The following PARM1 variants were observed in gnomAD, a reference collection of about 807,000 sequenced individuals.
PARM1 encodes the protein WSC4, cell wall integrity and stress response component 4 homolog.
A neutral mutation model predicts 24.6 loss-of-function variants in PARM1; 14 were observed. The observed-to-expected ratio is 0.57, with a 90% CI of 0.38 to 0.89. The LOEUF (loss-of-function observed/expected upper bound fraction) is 0.89, where lower values mean the gene tolerates loss of function less well. PARM1 is among the 40% of genes least tolerant of loss of function. The probability of loss-of-function intolerance (pLI) is 0.00; values close to 1 mark genes in which losing one functional copy is unlikely to be tolerated. For missense variants in PARM1, 362 were observed against 380.4 expected (o/e 0.95, Z 0.40); for synonymous variants, 179 against 156.6 (o/e 1.14, Z -1.07).
intron 3 of PARM1, among the ~76,000 whole-genome samples, chr4:75,042,969 A>G (rs1723527297): frequency 6.6e-6 from 1 of 152,032 alleles, no homozygotes; most frequent in Admixed American, 6.6e-5. Flanking sequence ...AACAAAGTAA[A>G]GGCCAATCTT....
At chr4:75,027,697 C>T (rs556012986) in intron 2 of PARM1, among the ~76,000 whole-genome samples, 3 of 152,286 alleles carry the variant, frequency 2.0e-5, no homozygotes, top group East Asian at 3.9e-4. Context: ...ATGACCTGAA[C>T]GATCTAAGGT....
chr4:74,944,111 C>T (rs1487777122), intron 1 of PARM1, among the ~76,000 whole-genome samples: 2 of 152,158 alleles, frequency 1.3e-5, no homozygotes, highest in Non-Finnish European at 2.9e-5. Flanking sequence ...GTTAAAATCC[C>T]CAAGGTTGGC....
chr4:75,016,504 T>A (rs1283663517), intron 2 of PARM1, among the ~76,000 whole-genome samples: 1 of 152,160 alleles, frequency 6.6e-6, no homozygotes, highest in Non-Finnish European at 1.5e-5. Flanking sequence ...ACTGATCCCA[T>A]CACCCAGGTA....
chr4:74,956,226 C>T (rs1196618823), intron 1 of PARM1: 3 of 152,132 alleles, frequency 2.0e-5, no homozygotes, highest in Non-Finnish European at 2.9e-5. Flanking sequence ...AGTTAGAACT[C>T]GATGCTGATC....
chr4:75,034,004 T>C (rs988217414), intron 3 of PARM1, 43 bp downstream of exon 3: 2 of 1,493,806 alleles, frequency 1.3e-6, no homozygotes, highest in African/African-American at 1.4e-5. Context: ...TTCTGTTTTG[T>C]TGGGCTCTGG....
intron 1 of PARM1, among the ~76,000 whole-genome samples, chr4:74,986,342 A>T (rs955560682): frequency 2.0e-5 from 3 of 152,200 alleles, no homozygotes; most frequent in African/African-American, 7.2e-5. Context: ...GCCTAATTAT[A>T]CTCAAAGTGC....
chr4:74,960,926 A>G lies in PARM1; in HGVS notation c.43+27556A>G, dbSNP rs757627542. 2.0e-5 allele frequency among the ~76,000 whole-genome samples: 3 copies of G among 151,504 alleles called. No individual in the cohort carries two copies. The South Asian group carries it at 6.3e-4, about 32-fold the overall frequency. The stretch of plus-strand genomic sequence containing the variant: ...AGGCTGAGGCAGGAGAATGGCGTGA[A>G]CCCGGGAGGCGGAGCTTGCAGTGAG... On this transcript the variant is annotated intron_variant, in intron 1 of 3. Transcript: ENST00000307428.
rs1463090705 is a variant in PARM1, at chr4:75,012,864, A to G, written c.483A>G (p.Leu161=). 3 of 1,613,844 alleles carry G rather than the reference A, an allele frequency of 1.9e-6. No individual in the cohort carries two copies. The highest frequency in any genetic ancestry group is 4.5e-5 in the East Asian group (2 of 44,874). Residue 161 remains leucine, a synonymous_variant, in exon 2 of 4, where the codon CTA becomes CTG. Transcript: ENST00000307428. ...CTCCAGCCTCATCACCCTCATCCCT[A>G]TCAACCTCACCACCTGAGGTCTTTT... ...PQAPASSPSS[L]STSPPEVFSA...
intron 1 of PARM1, among the ~76,000 whole-genome samples, chr4:74,978,347 A>G (rs1240236470): frequency 6.6e-6 from 1 of 152,218 alleles, no homozygotes; most frequent in African/African-American, 2.4e-5. Flanking sequence ...CTTTAAACCA[A>G]CAAAGATAAA....
At chr4:74,986,960 C>A (rs1477188835) in intron 1 of PARM1, among the ~76,000 whole-genome samples, 1 of 152,094 alleles carries the variant, frequency 6.6e-6, no homozygotes, top group Non-Finnish European at 1.5e-5. Flanking sequence ...CGGCTGTGCA[C>A]TTTCATTAAT....
intron 2 of PARM1, among the ~76,000 whole-genome samples, chr4:75,024,777 C>A (rs545282080): frequency 3.3e-5 from 5 of 152,300 alleles, no homozygotes; most frequent in African/African-American, 1.2e-4. Flanking sequence ...CGGCTCACTG[C>A]AAACTCCACC....
At chr4:74,953,716 T>C (rs1211300494) in intron 1 of PARM1, among the ~76,000 whole-genome samples, 1 of 152,216 alleles carries the variant, frequency 6.6e-6, no homozygotes. Context: ...GATTGTACTT[T>C]ATGATAATTC....
At chr4:75,008,530 C>T (rs1189997086) in intron 1 of PARM1, among the ~76,000 whole-genome samples, 1 of 152,204 alleles carries the variant, frequency 6.6e-6, no homozygotes, top group African/African-American at 2.4e-5. Context: ...GTATCTTGTG[C>T]ATTCTTATTC....
At chr4:75,044,650 G>A (rs1301231545) in intron 3 of PARM1, among the ~76,000 whole-genome samples, 1 of 152,142 alleles carries the variant, frequency 6.6e-6, no homozygotes, top group Non-Finnish European at 1.5e-5. Context: ...ATATTAAGCT[G>A]GGAGTCTGGG....
rs1723689506 is a variant in PARM1 at position 75,050,093 on chromosome 4, A to G, written c.*3846A>G. ...TTGCATACCAATTATAATTATATCA[A>G]TTAAAGTTGATAAAAGCTTCCATCT... On this transcript the variant is annotated 3_prime_UTR_variant, in exon 4 of 4. Transcript: ENST00000307428. The G allele has an allele frequency of 6.6e-6, 1 of 152,600 alleles. No individual in the cohort carries two copies. Among genetic ancestry groups the G allele is most frequent in the Non-Finnish European group, 1.5e-5 (1 of 68,038 alleles). The allele number at this position is 152,600 out of a possible 1,614,324, so 9.5% of individuals were successfully genotyped here. A position where few individuals can be genotyped will look rare whatever the true frequency, so the allele number is the denominator to read the frequency against.
At chr4:74,963,606 G>A (rs1002895390) in intron 1 of PARM1, among the ~76,000 whole-genome samples, 2 of 152,168 alleles carry the variant, frequency 1.3e-5, no homozygotes, top group African/African-American at 4.8e-5. Context: ...GAATAGGCAA[G>A]TCAAAGAAAC....
chr4:75,001,436 A>T (rs1722678650), intron 1 of PARM1, among the ~76,000 whole-genome samples: 1 of 152,232 alleles, frequency 6.6e-6, no homozygotes, highest in South Asian at 2.1e-4. Flanking sequence ...GTGTAAAGTC[A>T]TAATGTTCCA....
chr4:75,040,020 A>G (rs1356867476), intron 3 of PARM1, among the ~76,000 whole-genome samples: 1 of 152,180 alleles, frequency 6.6e-6, no homozygotes, highest in Non-Finnish European at 1.5e-5. Context: ...CAATCAGTGC[A>G]TTCTCTACCA....
At chr4:74,997,987 C>G (rs1284625327) in intron 1 of PARM1, among the ~76,000 whole-genome samples, 1 of 152,222 alleles carries the variant, frequency 6.6e-6, no homozygotes, top group Non-Finnish European at 1.5e-5. Context: ...CCCAAGTTAG[C>G]TCATGTCGCC....
Sources: allele counts gnomAD v4.1 joint callset (sites outside exome capture counted in the v4.1 genomes callset), GRCh38; gene constraint gnomAD v4.1.1; transcripts MANE v1.5; gene names NCBI Gene and HGNC (gene_info 2026-07-23, HGNC 2026-07-21).